Variants in FAM76B observed in about 807,000 individuals in gnomAD.
The protein encoded by FAM76B is family with sequence similarity 76 member B.
A neutral mutation model predicts 51.8 loss-of-function variants in FAM76B; 16 were observed. The observed-to-expected ratio is 0.31, with a 90% CI of 0.21 to 0.47. FAM76B has a LOEUF of 0.47. Among genes scored for constraint, FAM76B ranks in the 20% least tolerant of loss-of-function variants. The probability of loss-of-function intolerance (pLI) is 1.00; values close to 1 mark genes in which losing one functional copy is unlikely to be tolerated. For synonymous variants in FAM76B, 166 were observed against 129.5 expected (o/e 1.28, Z -1.91); for missense variants, 342 against 392.6 (o/e 0.87, Z 1.09).
At chr11:95,774,097 T>A (rs1257650292) in intron 9 of FAM76B, among the ~76,000 whole-genome samples, 1 of 151,150 alleles carries the variant, frequency 6.6e-6, no homozygotes, top group Non-Finnish European at 1.5e-5. Flanking sequence ...CACAAAAAAA[T>A]CAGGGAAGTG....
rs1859984173 is a variant in FAM76B at position 95,775,917 on chromosome 11, G to C, written c.930+5C>G. 1.3e-6 allele frequency: 2 copies of C among 1,540,818 alleles called. No homozygotes were observed. The highest frequency in any genetic ancestry group is 2.4e-5 in the East Asian group (1 of 41,962). On this transcript the variant is annotated splice_donor_5th_base_variant and intron_variant, in intron 9 of 9. Transcript: ENST00000358780. ...CTATCATTTTACGTAAATGATGGTAGTTACCTGAAGTTGTTCCACAGTTTC... is the reference window on the plus strand; with the variant it reads ...CTATCATTTTACGTAAATGATGGTACTTACCTGAAGTTGTTCCACAGTTTC...
At chr11:95,785,461 T>G (rs2120287586) in intron 4 of FAM76B, among the ~76,000 whole-genome samples, 1 of 152,348 alleles carries the variant, frequency 6.6e-6, no homozygotes, top group Non-Finnish European at 1.5e-5. Context: ...TATCTTCTGT[T>G]TGTTCACATG....
At chr11:95,775,891 C>T (rs987138556) in intron 9 of FAM76B, 31 bp downstream of exon 9, 5 of 1,439,140 alleles carry the variant, frequency 3.5e-6, no homozygotes, top group Admixed American at 4.2e-5. Context: ...GCCCTTCTTG[C>T]CTATCATTTT....
intron 7 of FAM76B, 133 bp downstream of exon 7, chr11:95,779,473 GT>G (rs1860156790): frequency 1.3e-6 from 1 of 780,450 alleles, no homozygotes; most frequent in Admixed American, 3.4e-5. Context: ...ACTAATTTAT[GT>G]TTATTCTTCT....
rs746373331 is a variant in FAM76B at position 95,788,488 on chromosome 11, A to C, written c.152+11T>G. 6.2e-6 allele frequency: 10 copies of C among 1,600,248 alleles called. No homozygotes were observed. The highest frequency in any genetic ancestry group is 8.6e-6 in the Non-Finnish European group (10 of 1,168,776). On this transcript the variant is annotated intron_variant, in intron 2 of 9. Coordinates refer to ENST00000358780, the MANE Select transcript of FAM76B (RefSeq NM_144664.5). Reference sequence around the variant, plus strand: ...TGTCTTTAACAGTCAAAAACTATTCAGTATACAAACCTCTCTTGTTGAAAT... The same window carrying C: ...TGTCTTTAACAGTCAAAAACTATTCCGTATACAAACCTCTCTTGTTGAAAT...
intron 4 of FAM76B, among the ~76,000 whole-genome samples, chr11:95,784,273 A>G (rs1860431578): frequency 6.6e-6 from 1 of 152,112 alleles, no homozygotes; most frequent in South Asian, 2.1e-4. Flanking sequence ...AACAACACAC[A>G]TTAGGGCCTA....
chr11:95,780,353 A>G lies in FAM76B; in HGVS notation c.564-427T>C, dbSNP rs149156106. The stretch of plus-strand genomic sequence containing the variant: ...TTTTGGAGTAACTCAAGTTGCTCAG[A>G]ATAGTATTTCAATTTAAATGGGGAA... On this transcript the variant is annotated intron_variant, in intron 5 of 9. Transcript: ENST00000358780. Among the ~76,000 whole-genome samples the G allele has an allele frequency of 6.7e-3, 1,013 of 152,072 alleles. 44 individuals are homozygous for G. Among genetic ancestry groups the G allele is most frequent in the Admixed American group, 0.057 (877 of 15,256 alleles).
At chr11:95,777,666 T>C (rs564421056) in intron 8 of FAM76B, among the ~76,000 whole-genome samples, 2 of 151,522 alleles carry the variant, frequency 1.3e-5, no homozygotes, top group East Asian at 1.9e-4. Context: ...CTAATTTTCA[T>C]ATACTAAATT....
chr11:95,780,464 G>A (rs1860208540), intron 5 of FAM76B, among the ~76,000 whole-genome samples: 1 of 151,912 alleles, frequency 6.6e-6, no homozygotes, highest in East Asian at 1.9e-4. Flanking sequence ...GTATTCTGGA[G>A]AAGTTACGCT....
At position 95,776,020 on chromosome 11, in the gene FAM76B, TTAAC is replaced by T; in HGVS notation, c.829-1_831del. 1 of 1,568,628 alleles carries T rather than the reference TTAAC, an allele frequency of 6.4e-7. No individual in the cohort carries two copies. Among genetic ancestry groups the T allele is most frequent in the Non-Finnish European group, 8.6e-7 (1 of 1,158,016 alleles). ...TACTGAAAGTCTGCCTTTAGTTCAG[TTAAC>T]TGAGAGATTAAAGAAAAAATATATG... On this transcript the variant is annotated splice_acceptor_variant and coding_sequence_variant, in exon 9 of 10. Coordinates refer to ENST00000358780, the MANE Select transcript of FAM76B (RefSeq NM_144664.5). LOFTEE classifies it high-confidence loss of function.
chr11:95,781,818 T>A (rs1591019117), intron 5 of FAM76B, among the ~76,000 whole-genome samples: 1 of 151,740 alleles, frequency 6.6e-6, no homozygotes, highest in African/African-American at 2.4e-5. Flanking sequence ...CTGCCACATT[T>A]AGAAAACACT....
At chr11:95,776,417 A>G (rs949564282) in intron 8 of FAM76B, among the ~76,000 whole-genome samples, 10 of 151,534 alleles carry the variant, frequency 6.6e-5, no homozygotes, top group Admixed American at 4.6e-4. Flanking sequence ...CTTATGCGTA[A>G]AATAATCTTT....
At chr11:95,773,320 GTAAA>G (rs973419484) in intron 9 of FAM76B, among the ~76,000 whole-genome samples, 6 of 150,384 alleles carry the variant, frequency 4.0e-5, no homozygotes, top group South Asian at 4.2e-4. Context: ...AGTCTTTATG[GTAAA>G]TAAATAACAC....
chr11:95,781,706 A>C (rs979871644), intron 5 of FAM76B, among the ~76,000 whole-genome samples: 1 of 152,180 alleles, frequency 6.6e-6, no homozygotes, highest in African/African-American at 2.4e-5. Context: ...AGCAAAAACA[A>C]GGTAGACTTA....
At chr11:95,786,383 A>C in intron 3 of FAM76B, 109 bp from the exon 4 acceptor site, 1 of 1,389,064 alleles carries the variant, frequency 7.2e-7, no homozygotes, top group Non-Finnish European at 9.6e-7. Flanking sequence ...TCAGGTAAAA[A>C]ATTTGTTTTC....
rs750012970 is a variant in FAM76B, at chr11:95,778,968, A to G, written c.693-11T>C. On this transcript the variant is annotated splice_polypyrimidine_tract_variant and intron_variant, in intron 7 of 9. Coordinates refer to ENST00000358780, the MANE Select transcript of FAM76B (RefSeq NM_144664.5). The stretch of plus-strand genomic sequence containing the variant: ...TGATTTATAGAGCTACTAAAAAGAA[A>G]AAAGTAAAACACAGTTAAATGAAGT... 1.2e-6 allele frequency: 2 copies of G among 1,605,158 alleles called. No individual in the cohort carries two copies. Among genetic ancestry groups the G allele is most frequent in the Non-Finnish European group, 1.7e-6 (2 of 1,176,276 alleles).
At chr11:95,779,538 T>G (rs934384801) in intron 7 of FAM76B, 69 bp downstream of exon 7, 1 of 1,281,356 alleles carries the variant, frequency 7.8e-7, no homozygotes, top group Admixed American at 2.2e-5. Context: ...TATCTAGTAA[T>G]AACTGGCATT....
chr11:95,783,363 G>A (rs953440666), intron 4 of FAM76B, 99 bp from the exon 5 acceptor site: 10 of 968,398 alleles, frequency 1.0e-5, no homozygotes, highest in East Asian at 4.9e-5. Context: ...TATTCCACAC[G>A]TAACATGCAC....
rs747669807 is a variant in FAM76B, at chr11:95,786,073, A to G, written c.363+46T>C. On this transcript the variant is annotated intron_variant, in intron 4 of 9. Transcript: ENST00000358780. ...AATTATAATTTCCAACTTGTTTGGC[A>G]TTTTATTTAATTTCCAGAAGATGTC... The G allele has an allele frequency of 8.9e-6, 14 of 1,576,092 alleles. No homozygotes were observed. In the African/African-American group the frequency reaches 1.9e-4, roughly 21 times the overall value.
Sources: allele counts gnomAD v4.1 joint callset (sites outside exome capture counted in the v4.1 genomes callset), GRCh38; gene constraint gnomAD v4.1.1; transcripts MANE v1.5; gene names NCBI Gene and HGNC (gene_info 2026-07-23, HGNC 2026-07-21).